Variants in TNNT3 observed in about 807,000 individuals in gnomAD.
TNNT3 encodes troponin T, fast skeletal muscle.
Under a neutral mutation model 54.2 loss-of-function variants are expected in TNNT3, and 36 were observed. That is an observed-to-expected ratio of 0.66 (90% CI 0.51 to 0.88). TNNT3 has a LOEUF of 0.88. Ranked by LOEUF, TNNT3 falls within the 40% of genes least tolerant of loss-of-function variation. The pLI is 0.00. For missense variants in TNNT3, 291 were observed against 331.6 expected (o/e 0.88, Z 0.95); for synonymous variants, 120 against 109.7 (o/e 1.09, Z -0.59).
rs527239650 is a variant in TNNT3 at position 1,922,532 on chromosome 11, C to T, written c.-18-325C>T. Among the ~76,000 whole-genome samples, 20 of 152,274 alleles carry T rather than the reference C, an allele frequency of 1.3e-4. No individual in the cohort carries two copies. The East Asian group carries it at 1.4e-3, about 10-fold the overall frequency. ...GGATGACCCTCCTCAGGGGACGCCA[C>T]GGAGAGGATGTCTGCCCTGGGTGGG... is the stretch of plus-strand genomic sequence containing the variant. On this transcript the variant is annotated intron_variant, in intron 1 of 15. Transcript: ENST00000278317.
At chr11:1,922,455 C>T (rs988211624) in intron 1 of TNNT3, among the ~76,000 whole-genome samples, 5 of 152,166 alleles carry the variant, frequency 3.3e-5, no homozygotes, top group Non-Finnish European at 5.9e-5. Context: ...GCTCCATCAG[C>T]GGGACCTTTC....
Position 1,936,273 on chromosome 11 carries a change from C to T in TNNT3, c.682-690C>T, listed in dbSNP as rs1340311139. ...CCAAGTTGTAAGTAGCCGGGTCCGC[C>T]CTGGGCCAGGCCCGTGGGTGTGCGT... On this transcript the variant is annotated intron_variant, in intron 14 of 15. Coordinates refer to ENST00000278317, the MANE Select transcript of TNNT3 (RefSeq NM_006757.4). 4 of 1,613,346 alleles carry T rather than the reference C, an allele frequency of 2.5e-6. No individual in the cohort carries two copies. In the African/African-American group the frequency reaches 4.0e-5, roughly 16 times the overall value.
intron 9 of TNNT3, 37 bp downstream of exon 9, chr11:1,932,551 T>C (rs1294565615): frequency 6.2e-7 from 1 of 1,608,560 alleles, no homozygotes; most frequent in South Asian, 1.1e-5. Flanking sequence ...TGTCCACGGT[T>C]TCCCCACACC....
intron 14 of TNNT3, among the ~76,000 whole-genome samples, chr11:1,935,747 A>T (rs1318427063): frequency 6.6e-6 from 1 of 151,854 alleles, no homozygotes; most frequent in East Asian, 1.9e-4. Context: ...GCCCCAGGGG[A>T]GGGCGGCTGT....
At chr11:1,923,482 C>T (rs1850642405) in intron 3 of TNNT3, 73 bp from the exon 4 acceptor site, 1 of 1,532,766 alleles carries the variant, frequency 6.5e-7, no homozygotes, top group African/African-American at 1.4e-5. Context: ...ACACACTGGC[C>T]TCTCATCCTC....
At chr11:1,934,093 C>T (rs1854238991) in intron 11 of TNNT3, 85 bp downstream of exon 11, 2 of 1,427,822 alleles carry the variant, frequency 1.4e-6, no homozygotes, top group Non-Finnish European at 9.7e-7. Context: ...CTTCCTTCTC[C>T]CGGGGTTCCC....
At chr11:1,923,714 C>T (rs146986911) in intron 4 of TNNT3, 142 bp downstream of exon 4, 4 of 686,344 alleles carry the variant, frequency 5.8e-6, no homozygotes, top group Admixed American at 4.2e-5. Flanking sequence ...TCTTCCTCAT[C>T]ATTAGTCACT....
chr11:1,933,113 C>T (rs1388295211), intron 9 of TNNT3, among the ~76,000 whole-genome samples: 1 of 142,986 alleles, frequency 7.0e-6, no homozygotes, highest in African/African-American at 2.6e-5. Flanking sequence ...TCCACTCATC[C>T]ACCCTCCCAC....
intron 14 of TNNT3, chr11:1,936,372 C>A: frequency 8.7e-7 from 1 of 1,146,334 alleles, no homozygotes; most frequent in Non-Finnish European, 1.3e-6. Flanking sequence ...GGGCCTGGAG[C>A]CTTCCTCCTG....
intron 14 of TNNT3, chr11:1,936,082 G>T: frequency 2.1e-6 from 2 of 969,068 alleles, no homozygotes; most frequent in Non-Finnish European, 3.2e-6. Context: ...ACTGGCTTTG[G>T]ATAGATGCGG....
rs886048105 is a variant in TNNT3 at position 1,938,554 on chromosome 11, G to A, written c.*62G>A. 4.6e-6 allele frequency: 7 copies of A among 1,535,002 alleles called. No homozygotes were observed. In the African/African-American group the frequency reaches 5.4e-5, roughly 12 times the overall value. ...GCCCTCTTGCACACCAGGGCCGCTC[G>A]TGGGACTCCACATCCTCCAGCCCCC... On this transcript the variant is annotated 3_prime_UTR_variant, in exon 16 of 16. Coordinates refer to ENST00000278317, the MANE Select transcript of TNNT3 (RefSeq NM_006757.4).
chr11:1,932,377 G>T, intron 8 of TNNT3, 92 bp from the exon 9 acceptor site: 1 of 1,250,296 alleles, frequency 8.0e-7, no homozygotes, highest in Non-Finnish European at 1.2e-6. Flanking sequence ...AGGGCACCAG[G>T]GTTGGCAGGG....
chr11:1,933,231 A>T (rs1348192362), intron 9 of TNNT3, among the ~76,000 whole-genome samples: 1 of 149,308 alleles, frequency 6.7e-6, no homozygotes, highest in Non-Finnish European at 1.5e-5. Flanking sequence ...CCACCCATCT[A>T]CCTATCCATC....
intron 15 of TNNT3, 61 bp from the exon 16 acceptor site, chr11:1,938,377 G>A (rs1855767005): frequency 1.9e-6 from 3 of 1,582,126 alleles, no homozygotes; most frequent in East Asian, 2.2e-5. Flanking sequence ...CAGGGTGGGG[G>A]ACCAGGAGGG....
chr11:1,934,248 A>G lies in TNNT3; in HGVS notation c.367-84A>G, dbSNP rs923650609. 1.9e-5 allele frequency: 25 copies of G among 1,310,672 alleles called. No individual in the cohort carries two copies. In the African/African-American group the frequency reaches 3.0e-4, roughly 16 times the overall value. The allele number at this position is 1,310,672 out of a possible 1,614,324, so 81.2% of individuals were successfully genotyped here. A position where few individuals can be genotyped will look rare whatever the true frequency, so the allele number is the denominator to read the frequency against. On this transcript the variant is annotated intron_variant, in intron 11 of 15. Coordinates refer to ENST00000278317, the MANE Select transcript of TNNT3 (RefSeq NM_006757.4). ...GGGTGGGCCCTTCCAGACAGCTCTA[A>G]GCCCAGGGTGGGTCCCTAAAGCCTG...
chr11:1,932,884 C>T (rs1395217825), intron 9 of TNNT3, among the ~76,000 whole-genome samples: 1 of 150,560 alleles, frequency 6.6e-6, no homozygotes, highest in Admixed American at 6.6e-5. Context: ...TGCCTTACTT[C>T]CATCCATCCA....
chr11:1,934,574 C>T lies in TNNT3; in HGVS notation c.509C>T (p.Thr170Ile). ...KADQKRGKKQ[T>I]AREMKKKILA... ...GACCAGAAGAGAGGCAAGAAGCAGACAGCCCGGGAAATGAAGAAGAAGATT... is the reference window on the plus strand; with the variant it reads ...GACCAGAAGAGAGGCAAGAAGCAGATAGCCCGGGAAATGAAGAAGAAGATT... Residue 170 changes from threonine to isoleucine, a missense_variant, in exon 13 of 16, where the codon ACA becomes ATA. Transcript: ENST00000278317. The T allele has an allele frequency of 6.2e-7, 1 of 1,609,746 alleles. No individual in the cohort carries two copies. The highest frequency in any genetic ancestry group is 8.5e-7 in the Non-Finnish European group (1 of 1,178,460).
intron 6 of TNNT3, 98 bp from the exon 7 acceptor site, chr11:1,929,022 G>C: frequency 7.3e-7 from 1 of 1,376,136 alleles, no homozygotes; most frequent in Non-Finnish European, 1.0e-6. Flanking sequence ...TGAGAGGGGT[G>C]GGCCCCTTGC....
chr11:1,924,384 C>T (rs1850931414), intron 4 of TNNT3, among the ~76,000 whole-genome samples: 1 of 152,226 alleles, frequency 6.6e-6, no homozygotes, highest in Non-Finnish European at 1.5e-5. Flanking sequence ...CGGCGCTGCC[C>T]TGGAATCCCT....
Sources: allele counts gnomAD v4.1 joint callset (sites outside exome capture counted in the v4.1 genomes callset), GRCh38; gene constraint gnomAD v4.1.1; transcripts MANE v1.5; gene names NCBI Gene and HGNC (gene_info 2026-07-23, HGNC 2026-07-21).